Variants in KLF8 observed in about 807,000 individuals in gnomAD.
KLF8 encodes the protein Krueppel-like factor 8.
A neutral mutation model predicts 18.2 loss-of-function variants in KLF8; 10 were observed. The ratio of observed to expected loss-of-function variants is 0.55; its 90% CI spans 0.34 to 0.93. The LOEUF (loss-of-function observed/expected upper bound fraction) is 0.93, where lower values mean the gene tolerates loss of function less well. KLF8 is among the 40% of genes least tolerant of loss of function. The probability of loss-of-function intolerance (pLI) is 0.02; values close to 1 mark genes in which losing one functional copy is unlikely to be tolerated. For synonymous variants in KLF8, 109 were observed against 97.3 expected (o/e 1.12, Z -0.71); for missense variants, 264 against 277.9 (o/e 0.95, Z 0.36).
the KLF8 span, among the ~76,000 whole-genome samples, chrX:56,189,944 A>G: frequency 9.4e-6 from 1 of 106,600 alleles, no homozygotes; most frequent in African/African-American, 3.4e-5. Context: ...TGGGTGCAGC[A>G]CACCAGCATG....
At chrX:56,192,863 TA>T in the KLF8 span, among the ~76,000 whole-genome samples, 4 of 112,367 alleles carry the variant, frequency 3.6e-5, no homozygotes, top group African/African-American at 1.3e-4. Context: ...ATGGTAAAGT[TA>T]AAGTTTCTAT....
chrX:56,005,759 G>A, the KLF8 span, among the ~76,000 whole-genome samples: 2 of 112,127 alleles, frequency 1.8e-5, no homozygotes, highest in African/African-American at 6.5e-5. Context: ...AGAGAAGTTG[G>A]TGGGTGGCTG....
rs772761443 is a variant in KLF8 at position 56,266,916 on chromosome X, A to G, written c.646+1172A>G. 4 of 751,997 alleles carry G rather than the reference A, an allele frequency of 5.3e-6. No individual in the cohort carries two copies. In the East Asian group the frequency reaches 6.1e-4, roughly 114 times the overall value. The allele number at this position is 751,997 out of a possible 1,213,427, so 62.0% of individuals were successfully genotyped here. A position where few individuals can be genotyped will look rare whatever the true frequency, so the allele number is the denominator to read the frequency against. On this transcript the variant is annotated intron_variant, in intron 3 of 5. Transcript: ENST00000468660. Reference sequence around the variant, plus strand: ...TGGTCTTCTGAATACAAATATTATTATTGACTAGTGGTTAATTGTGGTAAT... The same window carrying G: ...TGGTCTTCTGAATACAAATATTATTGTTGACTAGTGGTTAATTGTGGTAAT...
At chrX:56,059,982 T>C in the KLF8 span, among the ~76,000 whole-genome samples, 1 of 111,912 alleles carries the variant, frequency 8.9e-6, no homozygotes, top group Admixed American at 9.5e-5. Context: ...TTCCTGTCCA[T>C]GAGTATGGAA....
the KLF8 span, among the ~76,000 whole-genome samples, chrX:56,211,381 A>G: frequency 8.9e-6 from 1 of 112,609 alleles, no homozygotes; most frequent in Non-Finnish European, 1.9e-5. Context: ...CCAAACATAC[A>G]GAGTCTCTCT....
At chrX:56,270,123 A>AT in intron 4 of KLF8, 59 bp from the exon 5 acceptor site, 2 of 1,116,575 alleles carry the variant, frequency 1.8e-6, no homozygotes, top group South Asian at 2.1e-5. Flanking sequence ...ATGTAAATTC[A>AT]TTTTTTTAGC....
chrX:55,988,614 A>G, the KLF8 span, among the ~76,000 whole-genome samples: 2 of 111,493 alleles, frequency 1.8e-5, no homozygotes, highest in African/African-American at 3.3e-5. Context: ...GCCTTGTAGT[A>G]TAGTTTGAAG....
At chrX:56,159,873 TA>T in the KLF8 span, among the ~76,000 whole-genome samples, 4 of 111,726 alleles carry the variant, frequency 3.6e-5, no homozygotes, top group Non-Finnish European at 5.6e-5. Context: ...AGGGTTTTTT[TA>T]TGTCTCTATT....
the KLF8 span, among the ~76,000 whole-genome samples, chrX:56,169,384 G>T: frequency 1.8e-5 from 2 of 111,357 alleles, no homozygotes; most frequent in African/African-American, 6.5e-5. Context: ...AGAGCGGCAA[G>T]TTTGCTCTTG....
chrX:55,973,566 T>A, the KLF8 span, among the ~76,000 whole-genome samples: 1 of 112,220 alleles, frequency 8.9e-6, no homozygotes, highest in Non-Finnish European at 1.9e-5. Context: ...AAAGAGGACA[T>A]ACATGCTATC....
chrX:56,185,823 C>A, the KLF8 span, among the ~76,000 whole-genome samples: 221 of 111,638 alleles, frequency 2.0e-3, no homozygotes, highest in Non-Finnish European at 3.6e-3. Context: ...AAAGCAAATG[C>A]TGAGAGATTT....
chrX:56,058,139 C>T, the KLF8 span, among the ~76,000 whole-genome samples: 2 of 93,950 alleles, frequency 2.1e-5, no homozygotes, highest in African/African-American at 4.0e-5. Context: ...TCAGTGGCAA[C>T]TGGGTGCACC....
intron 5 of KLF8, among the ~76,000 whole-genome samples, chrX:56,279,081 C>T (rs780309066): frequency 1.8e-5 from 2 of 111,864 alleles, no homozygotes; most frequent in Non-Finnish European, 3.8e-5. Flanking sequence ...TTCCTATCCT[C>T]TTTCAGTGCT....
the KLF8 span, among the ~76,000 whole-genome samples, chrX:56,224,137 G>T: frequency 9.0e-6 from 1 of 111,076 alleles, no homozygotes; most frequent in South Asian, 3.8e-4. Flanking sequence ...GTAAATTTTA[G>T]CTGCAGTGCA....
At chrX:55,956,800 C>T in the KLF8 span, among the ~76,000 whole-genome samples, 1 of 111,563 alleles carries the variant, frequency 9.0e-6, no homozygotes, top group Non-Finnish European at 1.9e-5. Context: ...GAATATTAAC[C>T]TTTTATCTGA....
chrX:56,171,275 G>A, the KLF8 span, among the ~76,000 whole-genome samples: 1 of 111,256 alleles, frequency 9.0e-6, no homozygotes, highest in African/African-American at 3.3e-5. Flanking sequence ...TAAAACCAAG[G>A]GGATGAAGTA....
At chrX:56,034,737 C>T in the KLF8 span, among the ~76,000 whole-genome samples, 24 of 98,955 alleles carry the variant, frequency 2.4e-4, no homozygotes, top group Admixed American at 4.5e-4. Flanking sequence ...GTATAGAACA[C>T]GAACTTATTT....
the KLF8 span, among the ~76,000 whole-genome samples, chrX:56,165,858 CA>C: frequency 0.014 from 861 of 62,578 alleles, 3 homozygotes; most frequent in African/African-American, 0.018. Context: ...GACCCTGTCT[CA>C]AAAAAAAAAA....
chrX:56,264,497 G>GT (rs1182542264), intron 2 of KLF8, among the ~76,000 whole-genome samples: 2 of 108,765 alleles, frequency 1.8e-5, no homozygotes, highest in Admixed American at 9.8e-5. Context: ...TCATTTATTA[G>GT]TTTTTTTTAA....
Sources: allele counts gnomAD v4.1 joint callset (sites outside exome capture counted in the v4.1 genomes callset), GRCh38; gene constraint gnomAD v4.1.1; transcripts MANE v1.5; gene names NCBI Gene and HGNC (gene_info 2026-07-23, HGNC 2026-07-21).